DGCR2: variants seen among roughly 807,000 people sequenced by gnomAD.
The protein encoded by DGCR2 is DiGeorge syndrome critical region gene 2, also known as integral membrane protein DGCR2/IDD.
Under a neutral mutation model 51.6 loss-of-function variants are expected in DGCR2, and 24 were observed. That is an observed-to-expected ratio of 0.47 (90% CI 0.34 to 0.65). DGCR2 has a LOEUF of 0.65. Ranked by LOEUF, DGCR2 falls within the 30% of genes least tolerant of loss-of-function variation. The pLI is 0.01. For missense variants in DGCR2, 765 were observed against 772.1 expected (o/e 0.99, Z 0.11); for synonymous variants, 340 against 315.4 (o/e 1.08, Z -0.82).
intron 1 of DGCR2, among the ~76,000 whole-genome samples, chr22:19,100,520 GC>G (rs1402768358): frequency 1.3e-5 from 2 of 152,026 alleles, no homozygotes; most frequent in Non-Finnish European, 2.9e-5. Context: ...AAAAAAATTA[GC>G]CGGACGTGGT....
chr22:19,120,935 A>G (rs2083424594), intron 1 of DGCR2, among the ~76,000 whole-genome samples: 1 of 152,240 alleles, frequency 6.6e-6, no homozygotes, highest in African/African-American at 2.4e-5. Flanking sequence ...CTAGCTCTAC[A>G]TGGGGAGACC....
At chr22:19,039,679 C>T (rs1225859950) in intron 9 of DGCR2, among the ~76,000 whole-genome samples, 2 of 152,150 alleles carry the variant, frequency 1.3e-5, no homozygotes, top group Non-Finnish European at 2.9e-5. Context: ...GTGTGGTAGG[C>T]AGTCGACTCG....
Position 19,113,101 on chromosome 22 carries a change from G to A in DGCR2, c.79+9027C>T, listed in dbSNP as rs2083333876. On this transcript the variant is annotated intron_variant, in intron 1 of 9. Transcript: ENST00000263196. Reference sequence around the variant, plus strand: ...AAAGAAACAGTATGGGCCAGGCACAGTGGCTCACGGCTGTAATACCAGCAC... The same window carrying A: ...AAAGAAACAGTATGGGCCAGGCACAATGGCTCACGGCTGTAATACCAGCAC... 1.9e-5 allele frequency among the ~76,000 whole-genome samples: 2 copies of A among 103,346 alleles called. 1 individual carries two copies. Among genetic ancestry groups the A allele is most frequent in the South Asian group, 8.0e-4 (2 of 2,492 alleles). The allele number at this position is 103,346 out of a possible 152,430, so 67.8% of individuals were successfully genotyped here.
intron 1 of DGCR2, among the ~76,000 whole-genome samples, chr22:19,092,889 A>C (rs1039552028): frequency 7.9e-6 from 1 of 126,216 alleles, no homozygotes; most frequent in Non-Finnish European, 1.7e-5. Flanking sequence ...CGGAAGAAAG[A>C]AAAATGAAGA....
Position 19,084,533 on chromosome 22 carries a change from CGTCTG to C in DGCR2, c.202+4830_202+4834del, listed in dbSNP as rs2082985693. ...GAGCCCCTCCGCCCGGCAGCCGCCCCGTCTGAGAAGTGAGGAGCCCCTCCGCCCGG... is the reference window on the plus strand; with the variant it reads ...GAGCCCCTCCGCCCGGCAGCCGCCCCAGAAGTGAGGAGCCCCTCCGCCCGG... On this transcript the variant is annotated intron_variant, in intron 2 of 9. Coordinates refer to ENST00000263196, the MANE Select transcript of DGCR2 (RefSeq NM_005137.3). Among the ~76,000 whole-genome samples, 6 of 139,740 alleles carry C rather than the reference CGTCTG, an allele frequency of 4.3e-5. No individual in the cohort carries two copies. In the South Asian group the frequency reaches 8.9e-4, roughly 21 times the overall value. 91.7% of individuals were successfully genotyped at this position (139,740 alleles called of 152,430 possible). A position where few individuals can be genotyped will look rare whatever the true frequency, so the allele number is the denominator to read the frequency against.
At chr22:19,096,898 A>AC (rs890039323) in intron 1 of DGCR2, among the ~76,000 whole-genome samples, 85 of 151,548 alleles carry the variant, frequency 5.6e-4, no homozygotes, top group African/African-American at 2.0e-3. Context: ...AAAAAACAAA[A>AC]AAAAAAAACA....
At chr22:19,060,723 G>T (rs543759730) in intron 5 of DGCR2, 1 of 317,680 alleles carries the variant, frequency 3.1e-6, no homozygotes, top group Non-Finnish European at 6.3e-6. Context: ...CAGCAGCAGC[G>T]GCAGTTCTGT....
intron 5 of DGCR2, among the ~76,000 whole-genome samples, chr22:19,060,376 A>G (rs1254862922): frequency 6.6e-6 from 1 of 152,194 alleles, no homozygotes; most frequent in Non-Finnish European, 1.5e-5. Flanking sequence ...GGGAGAAAAG[A>G]AGGCTTCTAC....
At chr22:19,108,242 A>C (rs1344736224) in intron 1 of DGCR2, among the ~76,000 whole-genome samples, 1 of 152,120 alleles carries the variant, frequency 6.6e-6, no homozygotes, top group Non-Finnish European at 1.5e-5. Context: ...ACTTCTTTAA[A>C]ATTAAAAAAG....
Position 19,068,107 on chromosome 22 carries a change from G to T in DGCR2, c.321C>A (p.Arg107=). The T allele has an allele frequency of 1.5e-5, 23 of 1,584,158 alleles. No homozygotes were observed. Among genetic ancestry groups the T allele is most frequent in the Non-Finnish European group, 1.9e-5 (22 of 1,166,890 alleles). ...GGCAGGTCTGCAACTTACTGCTGAA[G>T]CGAACGGGCTGCGCCACGTTCACCG... ...FHAVNVAQPV[R]FSSFLGKCPT... Residue 107 remains arginine (R), a synonymous_variant, in exon 3 of 10, where the codon CGC becomes CGA. Coordinates refer to ENST00000263196, the MANE Select transcript of DGCR2 (RefSeq NM_005137.3).
intron 2 of DGCR2, among the ~76,000 whole-genome samples, chr22:19,071,982 G>A (rs2082820873): frequency 1.3e-5 from 2 of 152,102 alleles, no homozygotes; most frequent in African/African-American, 4.8e-5. Context: ...GGCTGCAGGA[G>A]TGTTTATTGC....
chr22:19,108,006 A>T (rs934502464), intron 1 of DGCR2, among the ~76,000 whole-genome samples: 1 of 152,170 alleles, frequency 6.6e-6, no homozygotes, highest in Non-Finnish European at 1.5e-5. Context: ...TGAATCCTTA[A>T]GACAACTCAT....
chr22:19,053,894 A>G (rs2082574525), intron 6 of DGCR2, among the ~76,000 whole-genome samples: 1 of 152,240 alleles, frequency 6.6e-6, no homozygotes, highest in African/African-American at 2.4e-5. Context: ...AAAAACAGAC[A>G]AAATCAATGA....
rs185920908 is a variant in DGCR2 at position 19,063,669 on chromosome 22, T to C, written c.549-391A>G. Reference sequence around the variant, plus strand: ...CCTCCACAACACTGAGCTTCTAACATGAGACACTCATGTTAGAATGCATTA... The same window carrying C: ...CCTCCACAACACTGAGCTTCTAACACGAGACACTCATGTTAGAATGCATTA... On this transcript the variant is annotated intron_variant, in intron 4 of 9. Coordinates refer to ENST00000263196, the MANE Select transcript of DGCR2 (RefSeq NM_005137.3). 3.4e-4 allele frequency among the ~76,000 whole-genome samples: 52 copies of C among 152,132 alleles called. No individual in the cohort carries two copies. In the East Asian group the frequency reaches 3.7e-3, roughly 11 times the overall value.
intron 1 of DGCR2, among the ~76,000 whole-genome samples, chr22:19,118,210 T>C (rs971437805): frequency 6.6e-6 from 1 of 151,866 alleles, no homozygotes; most frequent in Admixed American, 6.6e-5. Context: ...CCGTCTCTAC[T>C]AAAAATACAA....
Position 19,036,500 on chromosome 22 carries a change from G to A in DGCR2, c.*2365C>T, listed in dbSNP as rs2082370193. The A allele has an allele frequency of 6.6e-6, 1 of 152,518 alleles. No individual in the cohort carries two copies. The highest frequency in any genetic ancestry group is 6.5e-5 in the Admixed American group (1 of 15,292). 9.4% of individuals were successfully genotyped at this position (152,518 alleles called of 1,614,324 possible). A position where few individuals can be genotyped will look rare whatever the true frequency, so the allele number is the denominator to read the frequency against. ...CCGTGGCAAGCTGGTCCTAGAGGAG[G>A]AGGACCCCTGGAGCACAAGGTTCAG... On this transcript the variant is annotated 3_prime_UTR_variant, in exon 10 of 10. Transcript: ENST00000263196.
chr22:19,076,724 ATTTTTTT>A (rs1165827499), intron 2 of DGCR2, among the ~76,000 whole-genome samples: 5 of 79,952 alleles, frequency 6.3e-5, no homozygotes, highest in South Asian at 5.2e-4. Flanking sequence ...TCCTTTGCAC[ATTTTTTT>A]TTTTTTTTTT....
At chr22:19,071,097 C>T (rs1033381568) in intron 2 of DGCR2, among the ~76,000 whole-genome samples, 7 of 152,236 alleles carry the variant, frequency 4.6e-5, no homozygotes, top group Admixed American at 1.3e-4. Flanking sequence ...CCATGGGGCC[C>T]GAGCAGCCCT....
intron 1 of DGCR2, among the ~76,000 whole-genome samples, chr22:19,102,671 C>G (rs572852600): frequency 6.6e-6 from 1 of 151,170 alleles, no homozygotes; most frequent in South Asian, 2.1e-4. Flanking sequence ...CACTGTACTC[C>G]AGCCTGGGTG....
Sources: allele counts gnomAD v4.1 joint callset (sites outside exome capture counted in the v4.1 genomes callset), GRCh38; gene constraint gnomAD v4.1.1; transcripts MANE v1.5; gene names NCBI Gene and HGNC (gene_info 2026-07-23, HGNC 2026-07-21).